SPAG16: variants seen among roughly 807,000 people sequenced by gnomAD.
SPAG16 encodes the protein sperm-associated antigen 16 protein.
A neutral mutation model predicts 80.4 loss-of-function variants in SPAG16; 86 were observed. The observed-to-expected ratio is 1.07, with a 90% CI of 0.90 to 1.28. SPAG16 has a LOEUF of 1.28. SPAG16 is among the 50% of genes most tolerant of loss of function. SPAG16 has a pLI of 0.00. For missense variants in SPAG16, 870 were observed against 765.3 expected, an observed-to-expected ratio of 1.14 and a Z score of -1.61; for synonymous variants, 294 against 265.9, an observed-to-expected ratio of 1.11 and a Z score of -1.03.
At chr2:213,377,593 G>A (rs890677269) in intron 9 of SPAG16, among the ~76,000 whole-genome samples, 1 of 152,170 alleles carries the variant, frequency 6.6e-6, no homozygotes, top group African/African-American at 2.4e-5. Context: ...CAGTGTGGAA[G>A]GGGTTGTAAT....
At chr2:213,402,557 C>T (rs2125343741) in intron 9 of SPAG16, among the ~76,000 whole-genome samples, 1 of 151,928 alleles carries the variant, frequency 6.6e-6, no homozygotes, top group East Asian at 1.9e-4. Flanking sequence ...GGTATATCTC[C>T]TAATGCTATC....
At chr2:214,050,935 C>T (rs1274646107) in intron 13 of SPAG16, among the ~76,000 whole-genome samples, 1 of 152,188 alleles carries the variant, frequency 6.6e-6, no homozygotes, top group East Asian at 1.9e-4. Context: ...GTTTTACTCT[C>T]CAACATTATC....
intron 10 of SPAG16, among the ~76,000 whole-genome samples, chr2:213,625,879 G>A (rs1377375336): frequency 4.0e-5 from 6 of 151,750 alleles, no homozygotes; most frequent in Admixed American, 1.3e-4. Context: ...CAATAGAGAC[G>A]GGGTTTCATC....
At chr2:213,365,632 A>AT (rs146682308) in intron 8 of SPAG16, among the ~76,000 whole-genome samples, 9,027 of 151,388 alleles carry the variant, frequency 0.06, 894 homozygotes, top group African/African-American at 0.21. Context: ...TAATTTTTGT[A>AT]TTTTTAGTAG....
chr2:214,253,057 G>C (rs1347648105), intron 15 of SPAG16, among the ~76,000 whole-genome samples: 1 of 147,842 alleles, frequency 6.8e-6, no homozygotes, highest in Non-Finnish European at 1.5e-5. Flanking sequence ...GTGATGATGA[G>C]CTTTTTTTCA....
At chr2:213,659,332 T>TAA (rs1176270395) in intron 10 of SPAG16, among the ~76,000 whole-genome samples, 18 of 134,038 alleles carry the variant, frequency 1.3e-4, no homozygotes, top group African/African-American at 2.2e-4. Flanking sequence ...CCAATCATCT[T>TAA]AAAAAAAAAA....
intron 10 of SPAG16, among the ~76,000 whole-genome samples, chr2:213,738,341 A>C (rs1421336476): frequency 6.6e-6 from 1 of 152,194 alleles, no homozygotes; most frequent in Non-Finnish European, 1.5e-5. Flanking sequence ...TTAATTTATA[A>C]ATTAGGCAAG....
intron 9 of SPAG16, among the ~76,000 whole-genome samples, chr2:213,413,018 C>G (rs1330104276): frequency 6.6e-6 from 1 of 151,988 alleles, no homozygotes; most frequent in African/African-American, 2.4e-5. Flanking sequence ...TTTATAATAT[C>G]AGGTAGTCTT....
intron 10 of SPAG16, among the ~76,000 whole-genome samples, chr2:213,496,562 A>G (rs1459915525): frequency 6.6e-6 from 1 of 152,136 alleles, no homozygotes; most frequent in East Asian, 1.9e-4. Context: ...CCAGAAATAA[A>G]GTTACTAAGT....
chr2:214,280,678 T>C, intron 15 of SPAG16: 1 of 322,342 alleles, frequency 3.1e-6, no homozygotes, highest in Admixed American at 3.4e-5. Flanking sequence ...GAAGCTTGCC[T>C]TCTTTTGAGC....
At chr2:213,718,882 CG>C (rs2066379558) in intron 10 of SPAG16, among the ~76,000 whole-genome samples, 1 of 152,166 alleles carries the variant, frequency 6.6e-6, no homozygotes, top group African/African-American at 2.4e-5. Flanking sequence ...TGCGAGCACA[CG>C]GCGCAGGACT....
At chr2:213,681,976 A>T (rs1381213318) in intron 10 of SPAG16, among the ~76,000 whole-genome samples, 1 of 152,168 alleles carries the variant, frequency 6.6e-6, no homozygotes, top group African/African-American at 2.4e-5. Context: ...CTTCAGCGTG[A>T]ATCTGTTACA....
intron 15 of SPAG16, among the ~76,000 whole-genome samples, chr2:214,220,500 G>A (rs1418711826): frequency 6.6e-6 from 1 of 152,100 alleles, no homozygotes; most frequent in Non-Finnish European, 1.5e-5. Flanking sequence ...TTAAGTCACT[G>A]CTACTCCCCA....
chr2:213,595,025 C>T (rs1040526964), intron 10 of SPAG16, among the ~76,000 whole-genome samples: 2 of 151,844 alleles, frequency 1.3e-5, no homozygotes, highest in African/African-American at 4.8e-5. Context: ...GCTTCCTTGA[C>T]CTTCTGTAAT....
intron 15 of SPAG16, among the ~76,000 whole-genome samples, chr2:214,346,983 T>G (rs967676833): frequency 3.3e-5 from 5 of 152,216 alleles, no homozygotes; most frequent in African/African-American, 1.2e-4. Flanking sequence ...TTGTCATATT[T>G]CAGTAGACAA....
At chr2:214,002,177 A>T (rs1422236664) in intron 12 of SPAG16, among the ~76,000 whole-genome samples, 1 of 152,228 alleles carries the variant, frequency 6.6e-6, no homozygotes, top group Non-Finnish European at 1.5e-5. Context: ...TGGGAACTCC[A>T]ATTCAAGATG....
chr2:213,759,362 C>A (rs1406513963), intron 10 of SPAG16, among the ~76,000 whole-genome samples: 1 of 151,710 alleles, frequency 6.6e-6, no homozygotes, highest in Non-Finnish European at 1.5e-5. Context: ...TATAAAAGTT[C>A]ATATTATGCT....
chr2:214,099,890 T>TA (rs1399480247), intron 13 of SPAG16, among the ~76,000 whole-genome samples: 11 of 152,210 alleles, frequency 7.2e-5, no homozygotes, highest in Admixed American at 7.2e-4. Context: ...TATACACAGA[T>TA]AAAAATGTAT....
chr2:214,304,157 G>C (rs988088832), intron 15 of SPAG16, among the ~76,000 whole-genome samples: 1 of 152,134 alleles, frequency 6.6e-6, no homozygotes, highest in African/African-American at 2.4e-5. Context: ...ATGACCTCCA[G>C]CTTAACACAT....
Sources: allele counts gnomAD v4.1 joint callset (sites outside exome capture counted in the v4.1 genomes callset), GRCh38; gene constraint gnomAD v4.1.1; transcripts MANE v1.5; gene names NCBI Gene and HGNC (gene_info 2026-07-23, HGNC 2026-07-21).